Variants in BPTF observed in about 807,000 individuals in gnomAD.
BPTF encodes the protein bromodomain PHD finger transcription factor, also known as nucleosome-remodeling factor subunit BPTF.
Under a neutral mutation model 292.5 loss-of-function variants are expected in BPTF, and 18 were observed. The observed-to-expected ratio is 0.06, with a 90% CI of 0.04 to 0.09. The LOEUF is 0.09. BPTF is among the 10% of genes least tolerant of loss of function. The pLI is 1.00. For missense variants in BPTF, 2,726 were observed against 3,498.7 expected, an observed-to-expected ratio of 0.78 and a Z score of 5.57; for synonymous variants, 1,225 against 1,251.9, an observed-to-expected ratio of 0.98 and a Z score of 0.45.
intron 24 of BPTF, among the ~76,000 whole-genome samples, chr17:67,963,963 A>G (rs1467918292): frequency 1.3e-5 from 2 of 152,194 alleles, no homozygotes; most frequent in Admixed American, 1.3e-4. Context: ...AATCAATTGA[A>G]TGTTTCATAT....
At chr17:67,958,052 C>T (rs1328368426) in intron 23 of BPTF, among the ~76,000 whole-genome samples, 24 of 152,308 alleles carry the variant, frequency 1.6e-4, no homozygotes, top group African/African-American at 5.1e-4. Flanking sequence ...AGTATGTTGG[C>T]CAGACACAGA....
At chr17:67,923,122 C>T in intron 14 of BPTF, 132 bp downstream of exon 14, 6 of 1,037,584 alleles carry the variant, frequency 5.8e-6, no homozygotes, top group Non-Finnish European at 8.1e-6. Context: ...GTGGCACAAT[C>T]TTGGCTCACT....
At chr17:67,895,591 T>C (rs1214983949) in intron 7 of BPTF, among the ~76,000 whole-genome samples, 1 of 151,366 alleles carries the variant, frequency 6.6e-6, no homozygotes, top group Non-Finnish European at 1.5e-5. Flanking sequence ...GCCTCCTGAG[T>C]AGTTGGGACT....
Position 67,967,389 on chromosome 17 carries a change from C to G in BPTF, c.8539+733C>G, listed in dbSNP as rs575309558. On this transcript the variant is annotated intron_variant, in intron 26 of 27. Transcript: ENST00000306378. ...TCTCCTGACCTTGTGATCCGCTCCCCCTCGGCCTCCCCAAAGTGCTGGGAT... is the reference window on the plus strand; with the variant it reads ...TCTCCTGACCTTGTGATCCGCTCCCGCTCGGCCTCCCCAAAGTGCTGGGAT... Among the ~76,000 whole-genome samples, 109 of 151,730 alleles carry G rather than the reference C, an allele frequency of 7.2e-4. 1 individual carries two copies. Among genetic ancestry groups the G allele is most frequent in the African/African-American group, 2.6e-3 (108 of 41,436 alleles).
At chr17:67,981,243 GT>G (rs533684100) in intron 27 of BPTF, among the ~76,000 whole-genome samples, 39 of 152,274 alleles carry the variant, frequency 2.6e-4, no homozygotes, top group African/African-American at 9.4e-4. Flanking sequence ...AATTTCTATT[GT>G]TTTCCAGATT....
In BPTF at chr17:67,911,251, G is replaced by C. The variant is rs369302987; in HGVS notation, c.3367G>C (p.Glu1123Gln). 1 of 1,613,888 alleles carries C rather than the reference G, an allele frequency of 6.2e-7. No homozygotes were observed. Among genetic ancestry groups the C allele is most frequent in the Non-Finnish European group, 8.5e-7 (1 of 1,179,966 alleles). Reference protein sequence around the residue: ...EGCQSDSMRQEQSPNANNDQP... With the variant: ...EGCQSDSMRQQQSPNANNDQP... Reference sequence around the variant, plus strand: ...GTGTCAGAGTGACTCGATGAGACAAGAACAGAGCCCAAATGCAAATAATGA... The same window carrying C: ...GTGTCAGAGTGACTCGATGAGACAACAACAGAGCCCAAATGCAAATAATGA... The change falls in exon 11 of 28, where the codon GAA becomes CAA. Residue 1123 changes from glutamate (E) to glutamine (Q), a missense_variant. Around this residue, in one of 22 missense-constraint regions of BPTF, gnomAD observed 713 missense variants for 714.9 expected, o/e 1.00. Coordinates refer to ENST00000306378, the MANE Select transcript of BPTF (RefSeq NM_182641.4).
In BPTF at chr17:67,845,890, A is replaced by G. The variant is rs1325321632; in HGVS notation, c.614-8050A>G. 3.3e-5 allele frequency among the ~76,000 whole-genome samples: 5 copies of G among 151,630 alleles called. No homozygotes were observed. The East Asian group carries it at 9.6e-4, about 29-fold the overall frequency. On this transcript the variant is annotated intron_variant, in intron 1 of 27. Coordinates refer to ENST00000306378, the MANE Select transcript of BPTF (RefSeq NM_182641.4). ...CAGTTTTTGAGCCCACATTTTAGGA[A>G]TGTTTACCAAACTATCCTAGAGCCA... is the stretch of plus-strand genomic sequence containing the variant.
At chr17:67,968,973 C>T (rs1555689204) in intron 26 of BPTF, among the ~76,000 whole-genome samples, 1 of 149,352 alleles carries the variant, frequency 6.7e-6, no homozygotes, top group Non-Finnish European at 1.5e-5. Flanking sequence ...AAAAGCGAAA[C>T]TCCATCTCAA....
At chr17:67,831,394 G>A in intron 1 of BPTF, among the ~76,000 whole-genome samples, 1 of 152,180 alleles carries the variant, frequency 6.6e-6, no homozygotes, top group East Asian at 1.9e-4. Context: ...AGAGCCAAAA[G>A]GGTTATGAAA....
At chr17:67,910,225 C>G (rs1016316358) in intron 10 of BPTF, among the ~76,000 whole-genome samples, 4 of 152,196 alleles carry the variant, frequency 2.6e-5, no homozygotes, top group Admixed American at 6.5e-5. Context: ...GAATAATACT[C>G]TGTATGGATA....
chr17:67,857,879 C>T (rs1324381437), intron 2 of BPTF, among the ~76,000 whole-genome samples: 1 of 151,078 alleles, frequency 6.6e-6, no homozygotes, highest in Non-Finnish European at 1.5e-5. Flanking sequence ...CCTCCATCTC[C>T]CAGGTTCAAG....
intron 26 of BPTF, among the ~76,000 whole-genome samples, chr17:67,970,596 A>G (rs1270363383): frequency 1.3e-5 from 2 of 152,226 alleles, no homozygotes; most frequent in African/African-American, 4.8e-5. Flanking sequence ...GTGTTTAGAA[A>G]TGCATAGAAA....
chr17:67,939,433 T>C (rs9894962), intron 18 of BPTF, among the ~76,000 whole-genome samples: 3,078 of 152,292 alleles, frequency 0.02, 89 homozygotes, highest in African/African-American at 0.069. Context: ...ACCAAAAAAT[T>C]ATTCTTAGCA....
At chr17:67,838,646 T>C (rs1567868839) in intron 1 of BPTF, among the ~76,000 whole-genome samples, 2 of 152,148 alleles carry the variant, frequency 1.3e-5, no homozygotes, top group African/African-American at 4.8e-5. Flanking sequence ...CTGGCTAGTT[T>C]TTTATATTTT....
At position 67,944,180 on chromosome 17, in the gene BPTF, C is replaced by A. The variant is rs1555673236; in HGVS notation, c.6508C>A (p.Gln2170Lys). Residue 2170 changes from glutamine to lysine, a missense_variant, in exon 20 of 28, where the codon CAA becomes AAA. Coordinates refer to ENST00000306378, the MANE Select transcript of BPTF (RefSeq NM_182641.4). ...CAATCAAGGTTTGACAGTAGTAATTCAAGGACAAGGTCAAACTACTGGACA... is the reference window on the plus strand; with the variant it reads ...CAATCAAGGTTTGACAGTAGTAATTAAAGGACAAGGTCAAACTACTGGACA... ...GGNQGLTVVI[Q>K]GQGQTTGQLQ... The A allele has an allele frequency of 6.2e-7, 1 of 1,614,122 alleles. No individual in the cohort carries two copies. The highest frequency in any genetic ancestry group is 1.1e-5 in the South Asian group (1 of 91,090).
At chr17:67,932,867 G>A (rs1414190665) in intron 18 of BPTF, among the ~76,000 whole-genome samples, 1 of 151,992 alleles carries the variant, frequency 6.6e-6, no homozygotes, top group Non-Finnish European at 1.5e-5. Context: ...AAAAGACAAG[G>A]ATGGCCCTAC....
At chr17:67,952,501 G>T (rs1257188986) in intron 23 of BPTF, among the ~76,000 whole-genome samples, 5 of 151,958 alleles carry the variant, frequency 3.3e-5, no homozygotes, top group African/African-American at 4.8e-5. Context: ...GACCTCAAGT[G>T]ATCCTCCCTC....
chr17:67,871,456 A>AT (rs1379204917), intron 3 of BPTF, among the ~76,000 whole-genome samples: 2 of 151,816 alleles, frequency 1.3e-5, no homozygotes, highest in East Asian at 3.9e-4. Context: ...AAAAAAAAAA[A>AT]AAAAAATTAT....
In BPTF at chr17:67,948,264, G is replaced by C; in HGVS notation, c.7884G>C (p.Lys2628Asn). ...HKEQLRAEILKKRALLDKDLQ... is the reference protein window; with the variant it reads ...HKEQLRAEILNKRALLDKDLQ... ...AGCAGCTCAGAGCCGAGATCCTGAA[G>C]AAGAGAGCACTCCTGGACAAGGATC... Residue 2628 changes from lysine (K) to asparagine (N), a missense_variant, in exon 23 of 28, where the codon AAG becomes AAC. Transcript: ENST00000306378. 1 of 1,613,990 alleles carries C rather than the reference G, an allele frequency of 6.2e-7. No individual in the cohort carries two copies. Among genetic ancestry groups the C allele is most frequent in the South Asian group, 1.1e-5 (1 of 91,080 alleles).
Sources: gnomAD v4.1 joint callset for allele counts (sites outside exome capture counted in the v4.1 genomes callset) on GRCh38, gnomAD v4.1.1 for gene constraint, gnomAD v4.1.1 regional missense constraint, MANE v1.5 for transcripts, NCBI Gene and HGNC (gene_info 2026-07-23, HGNC 2026-07-21) for gene names.